CSMD1: variants seen among roughly 807,000 people sequenced by gnomAD.
CSMD1 encodes CUB and Sushi multiple domains 1, also known as CUB and sushi domain-containing protein 1.
Under a neutral mutation model 417.5 loss-of-function variants are expected in CSMD1, and 213 were observed. The ratio of observed to expected loss-of-function variants is 0.51; its 90% CI spans 0.46 to 0.57. CSMD1 has a LOEUF of 0.57. Among genes scored for constraint, CSMD1 ranks in the 20% least tolerant of loss-of-function variants. The pLI is 0.00. For synonymous variants in CSMD1, 2,862 were observed against 1,736.8 expected (o/e 1.65, Z -16.11); for missense variants, 6,923 against 4,529.7 (o/e 1.53, Z -15.17).
At chr8:4,979,009 T>C (rs930195605) in intron 1 of CSMD1, among the ~76,000 whole-genome samples, 11 of 152,310 alleles carry the variant, frequency 7.2e-5, no homozygotes, top group Admixed American at 5.2e-4. Flanking sequence ...AAAAATCTAC[T>C]TTGAAGAGCA....
At chr8:4,078,199 T>C (rs1799933312) in intron 3 of CSMD1, among the ~76,000 whole-genome samples, 1 of 152,236 alleles carries the variant, frequency 6.6e-6, no homozygotes, top group African/African-American at 2.4e-5. Flanking sequence ...TTTGCTGCAT[T>C]TCTACATCAT....
chr8:2,962,682 G>C (rs1414210445), intron 60 of CSMD1, 43 bp from the exon 61 acceptor site: 1 of 1,583,276 alleles, frequency 6.3e-7, no homozygotes, highest in Non-Finnish European at 8.6e-7. Context: ...CAACGTCCCT[G>C]GATCAGCTTC....
At chr8:4,981,542 A>C (rs987425638) in intron 1 of CSMD1, among the ~76,000 whole-genome samples, 4 of 152,206 alleles carry the variant, frequency 2.6e-5, no homozygotes, top group African/African-American at 9.7e-5. Context: ...TCAATTATAC[A>C]CTTGGGAATC....
At chr8:3,877,288 G>C (rs60220372) in intron 5 of CSMD1, among the ~76,000 whole-genome samples, 3,203 of 152,192 alleles carry the variant, frequency 0.021, 87 homozygotes, top group African/African-American at 0.067. Context: ...CGTGGTGAAA[G>C]GAAACTTCTG....
In CSMD1 at chr8:4,425,524, A is replaced by T. The variant is rs148535246; in HGVS notation, c.303-5459T>A. On this transcript the variant is annotated intron_variant, in intron 2 of 69. Transcript: ENST00000635120. ...ATTTACTCCACACTGGCTGCGAGTA[A>T]GGAATCTTATAAGGAGCTGGCAAGA... Among the ~76,000 whole-genome samples the T allele has an allele frequency of 2.9e-3, 438 of 152,190 alleles. 3 individuals carry two copies. The highest frequency in any genetic ancestry group is 0.01 in the African/African-American group (427 of 41,546).
chr8:3,257,906 G>A (rs575919160), intron 26 of CSMD1, among the ~76,000 whole-genome samples: 62 of 152,224 alleles, frequency 4.1e-4, no homozygotes, highest in African/African-American at 1.1e-3. Context: ...TTACAAGGGC[G>A]TGAAGCTTAT....
At chr8:4,742,219 A>G (rs1007786322) in intron 1 of CSMD1, among the ~76,000 whole-genome samples, 1 of 149,632 alleles carries the variant, frequency 6.7e-6, no homozygotes, top group East Asian at 2.0e-4. Context: ...TTTAGTAGAG[A>G]CGGGGTTTCA....
chr8:4,121,241 G>GAA (rs1563150427), intron 3 of CSMD1, among the ~76,000 whole-genome samples: 5 of 152,042 alleles, frequency 3.3e-5, no homozygotes, highest in Non-Finnish European at 7.4e-5. Flanking sequence ...CAGCCTCCCA[G>GAA]CTATCTGGGA....
At chr8:4,735,916 G>A (rs1173900914) in intron 1 of CSMD1, among the ~76,000 whole-genome samples, 1 of 152,106 alleles carries the variant, frequency 6.6e-6, no homozygotes, top group African/African-American at 2.4e-5. Flanking sequence ...CTGATGAGCA[G>A]GTAATAAGTA....
chr8:4,455,707 G>C (rs559865141), intron 2 of CSMD1, among the ~76,000 whole-genome samples: 1 of 151,610 alleles, frequency 6.6e-6, no homozygotes, highest in African/African-American at 2.4e-5. Flanking sequence ...GAAGCGGGTC[G>C]ATCACCTGAG....
chr8:3,499,808 G>A (rs1414456255), intron 10 of CSMD1, among the ~76,000 whole-genome samples: 20 of 152,122 alleles, frequency 1.3e-4, no homozygotes, highest in African/African-American at 2.7e-4. Flanking sequence ...TTCTCAAGAT[G>A]TGGAGATGCT....
At chr8:3,607,201 T>G (rs950906423) in intron 8 of CSMD1, among the ~76,000 whole-genome samples, 18 of 152,218 alleles carry the variant, frequency 1.2e-4, no homozygotes, top group Admixed American at 2.6e-4. Flanking sequence ...AGCCTAGGCC[T>G]GCACGACGTC....
chr8:4,734,680 T>A (rs1489293018), intron 1 of CSMD1, among the ~76,000 whole-genome samples: 3 of 152,212 alleles, frequency 2.0e-5, no homozygotes, highest in Non-Finnish European at 2.9e-5. Context: ...TCTTACCCAT[T>A]TGACATGAGT....
chr8:4,848,121 G>A (rs1010863756), intron 1 of CSMD1, among the ~76,000 whole-genome samples: 1 of 152,116 alleles, frequency 6.6e-6, no homozygotes, highest in Non-Finnish European at 1.5e-5. Context: ...ATATTGTCAA[G>A]GTTCATCCAT....
chr8:3,778,552 C>T (rs1283572313), intron 5 of CSMD1, among the ~76,000 whole-genome samples: 2 of 152,178 alleles, frequency 1.3e-5, no homozygotes, highest in Non-Finnish European at 2.9e-5. Context: ...ACGCTCTTGC[C>T]TGGGGTTTAT....
chr8:3,790,413 T>G (rs756838316), intron 5 of CSMD1, among the ~76,000 whole-genome samples: 2 of 152,082 alleles, frequency 1.3e-5, no homozygotes, highest in African/African-American at 2.4e-5. Flanking sequence ...ATAATGACAA[T>G]GGTGATAACA....
At chr8:3,878,640 C>T (rs1473139842) in intron 5 of CSMD1, among the ~76,000 whole-genome samples, 1 of 152,168 alleles carries the variant, frequency 6.6e-6, no homozygotes, top group African/African-American at 2.4e-5. Flanking sequence ...ACAGAAAAAT[C>T]TCCAAAAGAC....
At chr8:4,351,600 A>T (rs1801097082) in intron 3 of CSMD1, among the ~76,000 whole-genome samples, 1 of 152,218 alleles carries the variant, frequency 6.6e-6, no homozygotes, top group Non-Finnish European at 1.5e-5. Flanking sequence ...CCTGAAAGAG[A>T]CTTCAACTTG....
rs5889027 is a variant in CSMD1, at chr8:4,212,751, C to CTTTTTTTTTTTTTTTTT, written c.416-180669_416-180653dup. On this transcript the variant is annotated intron_variant, in intron 3 of 69. Coordinates refer to ENST00000635120, the MANE Select transcript of CSMD1 (RefSeq NM_033225.6). ...AAAAGTTTACAACAGCGGCCTTATT[C>CTTTTTTTTTTTTTTTTT]TTTTTTTTTTTTTTTTTTTTTTTTT... is the stretch of plus-strand genomic sequence containing the variant. 1.5e-3 allele frequency among the ~76,000 whole-genome samples: 153 copies of CTTTTTTTTTTTTTTTTT among 99,194 alleles called. 8 individuals carry two copies. Among genetic ancestry groups the CTTTTTTTTTTTTTTTTT allele is most frequent in the African/African-American group, 6.0e-3 (141 of 23,430 alleles). 65.1% of individuals were successfully genotyped at this position (99,194 alleles called of 152,430 possible). A position where few individuals can be genotyped will look rare whatever the true frequency, so the allele number is the denominator to read the frequency against.
Sources: allele counts gnomAD v4.1 joint callset (sites outside exome capture counted in the v4.1 genomes callset), GRCh38; gene constraint gnomAD v4.1.1; transcripts MANE v1.5; gene names NCBI Gene and HGNC (gene_info 2026-07-23, HGNC 2026-07-21).